Variants in ASH1L observed in about 807,000 individuals in gnomAD.
The protein encoded by ASH1L is histone-lysine N-methyltransferase ASH1L.
ASH1L carries 23 observed loss-of-function variants against 269.0 expected under a neutral mutation model. The ratio of observed to expected loss-of-function variants is 0.09; its 90% CI spans 0.06 to 0.12. The LOEUF is 0.12. Ranked by LOEUF, ASH1L falls within the 10% of genes least tolerant of loss-of-function variation. The pLI, the probability that ASH1L is intolerant of heterozygous loss-of-function variation, is 1.00. For missense variants in ASH1L, 2,912 were observed against 3,567.8 expected (o/e 0.82, Z 4.68); for synonymous variants, 1,187 against 1,253.5 (o/e 0.95, Z 1.12).
intron 10 of ASH1L, among the ~76,000 whole-genome samples, chr1:155,376,551 T>C (rs1028030874): frequency 2.0e-5 from 3 of 152,144 alleles, no homozygotes; most frequent in Non-Finnish European, 4.4e-5. Flanking sequence ...TGGTGGCTCA[T>C]GCCTGTAGTC....
intron 20 of ASH1L, among the ~76,000 whole-genome samples, chr1:155,347,233 T>C (rs1653428932): frequency 6.6e-6 from 1 of 152,026 alleles, no homozygotes; most frequent in Non-Finnish European, 1.5e-5. Flanking sequence ...ACCCCATCTC[T>C]ACAAAAAGTA....
chr1:155,562,844 C>A (rs1486259845), upstream of ASH1L: 1 of 492,734 alleles, frequency 2.0e-6, no homozygotes, highest in Non-Finnish European at 3.9e-6. Context: ...CCTCCCCCCC[C>A]TTCCCCGCCC....
At chr1:155,370,478 G>A in intron 12 of ASH1L, 26 bp downstream of exon 12, 1 of 1,612,424 alleles carries the variant, frequency 6.2e-7, no homozygotes, top group Non-Finnish European at 8.5e-7. Flanking sequence ...CTGGATTCTT[G>A]TCTTCACCTT....
rs1217608016 is a variant in ASH1L at position 155,512,448 on chromosome 1, CTT to C, written c.420+8650_420+8651del. 6.0e-3 allele frequency among the ~76,000 whole-genome samples: 563 copies of C among 93,694 alleles called. 1 individual carries two copies. Among genetic ancestry groups the C allele is most frequent in the African/African-American group, 0.02 (525 of 26,344 alleles). 61.5% of individuals were successfully genotyped at this position (93,694 alleles called of 152,430 possible). The stretch of plus-strand genomic sequence containing the variant: ...AAAAAGAAAGGCAAAGGATCTTAGA[CTT>C]TTTTTTTTTTTTTTTTTTTGAGATG... On this transcript the variant is annotated intron_variant, in intron 2 of 27. Transcript: ENST00000392403.
intron 1 of ASH1L, among the ~76,000 whole-genome samples, chr1:155,527,469 T>G (rs1669338569): frequency 6.6e-6 from 1 of 150,484 alleles, no homozygotes; most frequent in African/African-American, 2.4e-5. Flanking sequence ...TTACCTGACC[T>G]ATCAACAGAA....
chr1:155,422,627 T>C (rs1457508451), intron 5 of ASH1L, among the ~76,000 whole-genome samples: 1 of 151,296 alleles, frequency 6.6e-6, no homozygotes, highest in Non-Finnish European at 1.5e-5. Flanking sequence ...CTTCTCCTTT[T>C]ACCTTGATTT....
At chr1:155,356,934 T>A (rs187612895) in intron 15 of ASH1L, among the ~76,000 whole-genome samples, 5,751 of 141,444 alleles carry the variant, frequency 0.041, 247 homozygotes, top group African/African-American at 0.11. Context: ...ACAAAAAATT[T>A]AAAAAAAAAA....
At chr1:155,362,146 C>T (rs1214309392) in intron 12 of ASH1L, among the ~76,000 whole-genome samples, 1 of 151,956 alleles carries the variant, frequency 6.6e-6, no homozygotes, top group East Asian at 1.9e-4. Flanking sequence ...AGAGATTCTC[C>T]TACCTCAGCT....
intron 1 of ASH1L, among the ~76,000 whole-genome samples, chr1:155,530,563 T>TAAA (rs55994662): frequency 5.7e-5 from 8 of 140,872 alleles, no homozygotes; most frequent in African/African-American, 1.1e-4. Context: ...CCGTCTCTAC[T>TAAA]AAAAAAAAAA....
intron 6 of ASH1L, among the ~76,000 whole-genome samples, chr1:155,408,525 T>A (rs1389073391): frequency 6.6e-6 from 1 of 151,996 alleles, no homozygotes; most frequent in Non-Finnish European, 1.5e-5. Flanking sequence ...AAAGAACAAG[T>A]CTGATAAACA....
chr1:155,498,452 G>C (rs1318696404), intron 2 of ASH1L, among the ~76,000 whole-genome samples: 2 of 151,838 alleles, frequency 1.3e-5, no homozygotes, highest in African/African-American at 2.4e-5. Flanking sequence ...TTTGTTTTTT[G>C]TATTTTGAGA....
In ASH1L at chr1:155,381,204, T is replaced by C. The variant is rs538982884; in HGVS notation, c.6104-1088A>G. Among the ~76,000 whole-genome samples the C allele has an allele frequency of 3.9e-5, 6 of 152,336 alleles. No homozygotes were observed. The South Asian group carries it at 1.0e-3, about 26-fold the overall frequency. The stretch of plus-strand genomic sequence containing the variant: ...TGATAAAATGTCTTTGTTGCTGGTT[T>C]TATAATTAATATACTATACTTTTCA... On this transcript the variant is annotated intron_variant, in intron 7 of 27. Coordinates refer to ENST00000392403, the MANE Select transcript of ASH1L (RefSeq NM_018489.3).
At chr1:155,431,567 C>G (rs954053335) in intron 5 of ASH1L, among the ~76,000 whole-genome samples, 12 of 152,092 alleles carry the variant, frequency 7.9e-5, no homozygotes, top group African/African-American at 2.9e-4. Context: ...TCAAAACCAG[C>G]CTGGGTAACA....
chr1:155,383,928 G>T (rs957419925), intron 7 of ASH1L, among the ~76,000 whole-genome samples: 8 of 152,086 alleles, frequency 5.3e-5, no homozygotes, highest in African/African-American at 1.9e-4. Context: ...TGCAAATTGT[G>T]TTATGTATAT....
chr1:155,440,530 A>C (rs934141692), intron 4 of ASH1L: 4 of 954,436 alleles, frequency 4.2e-6, no homozygotes, highest in Non-Finnish European at 5.0e-6. Context: ...GTTTATTCTC[A>C]TAGTCTCAAT....
intron 1 of ASH1L, among the ~76,000 whole-genome samples, chr1:155,525,954 A>C (rs908840910): frequency 6.6e-6 from 1 of 152,156 alleles, no homozygotes; most frequent in Admixed American, 6.6e-5. Context: ...ACATAATGTA[A>C]ATGATATATA....
chr1:155,545,302 G>A (rs1219757500), intron 1 of ASH1L, among the ~76,000 whole-genome samples: 2 of 142,644 alleles, frequency 1.4e-5, no homozygotes, highest in Admixed American at 7.3e-5. Context: ...CATCATTTTA[G>A]AAAGTAATAT....
At chr1:155,502,056 C>A (rs1209066118) in intron 2 of ASH1L, among the ~76,000 whole-genome samples, 1 of 143,598 alleles carries the variant, frequency 7.0e-6, no homozygotes, top group Non-Finnish European at 1.5e-5. Flanking sequence ...TGACAGTTTT[C>A]TTTTCTTTTC....
At chr1:155,551,532 C>T (rs1033243259) in intron 1 of ASH1L, among the ~76,000 whole-genome samples, 4 of 148,594 alleles carry the variant, frequency 2.7e-5, no homozygotes, top group Non-Finnish European at 1.5e-5. Context: ...TAGTGGCGGG[C>T]GCCTGTAGTC....
Sources: gnomAD v4.1 joint callset for allele counts (sites outside exome capture counted in the v4.1 genomes callset) on GRCh38, gnomAD v4.1.1 for gene constraint, MANE v1.5 for transcripts, NCBI Gene and HGNC (gene_info 2026-07-23, HGNC 2026-07-21) for gene names.